Variants in PRKN observed in about 807,000 individuals in gnomAD.
The protein encoded by PRKN is E3 ubiquitin-protein ligase parkin.
PRKN carries 56 observed loss-of-function variants against 59.5 expected under a neutral mutation model. The ratio of observed to expected loss-of-function variants is 0.94; its 90% CI spans 0.76 to 1.18. The LOEUF (loss-of-function observed/expected upper bound fraction) is 1.18, where lower values mean the gene tolerates loss of function less well. PRKN is among the 50% of genes most tolerant of loss of function. The probability of loss-of-function intolerance (pLI) is 0.00; values close to 1 mark genes in which losing one functional copy is unlikely to be tolerated. For missense variants in PRKN, 657 were observed against 596.4 expected, an observed-to-expected ratio of 1.10 and a Z score of -1.06; for synonymous variants, 250 against 222.1, an observed-to-expected ratio of 1.13 and a Z score of -1.12.
At chr6:162,680,469 C>T (rs1779730412) in intron 1 of PRKN, among the ~76,000 whole-genome samples, 1 of 151,782 alleles carries the variant, frequency 6.6e-6, no homozygotes, top group Admixed American at 6.6e-5. Flanking sequence ...CTAGAAAACA[C>T]AAAATTTAAT....
Position 161,355,681 on chromosome 6 carries a change from C to T in PRKN, c.1285+4407G>A, listed in dbSNP as rs540784557. Among the ~76,000 whole-genome samples, 7 of 152,292 alleles carry T rather than the reference C, an allele frequency of 4.6e-5. No individual in the cohort carries two copies. The South Asian group carries it at 1.0e-3, about 23-fold the overall frequency. On this transcript the variant is annotated intron_variant, in intron 11 of 11. Transcript: ENST00000366898. The surrounding 1 kb of genome is among the most constrained non-coding windows in gnomAD (Gnocchi z 6.8). The stretch of plus-strand genomic sequence containing the variant: ...TCGGCCTCCCAAAGTGCTGGGATTA[C>T]AGGCGTGAGTCACCACGCCCGGCCT...
intron 6 of PRKN, among the ~76,000 whole-genome samples, chr6:161,805,478 A>ACGCATG (rs1554310492): frequency 8.7e-5 from 13 of 149,364 alleles, no homozygotes; most frequent in Non-Finnish European, 1.5e-4. Context: ...ACACACACAC[A>ACGCATG]CATGCATGTA....
At chr6:162,642,220 A>T (rs1355437859) in intron 1 of PRKN, among the ~76,000 whole-genome samples, 7 of 152,214 alleles carry the variant, frequency 4.6e-5, no homozygotes, top group Admixed American at 3.9e-4. Context: ...GCTCAAAAAT[A>T]CACAACACAT....
chr6:162,129,727 A>C (rs762843515), intron 4 of PRKN, among the ~76,000 whole-genome samples: 1 of 152,220 alleles, frequency 6.6e-6, no homozygotes, highest in Non-Finnish European at 1.5e-5. Flanking sequence ...ACTGATTCAC[A>C]GAACTGCATA....
At chr6:161,512,322 AAC>A in intron 9 of PRKN, among the ~76,000 whole-genome samples, 1 of 150,566 alleles carries the variant, frequency 6.6e-6, no homozygotes, top group East Asian at 2.0e-4. Context: ...TGGAAGTGGA[AAC>A]ACACTTGGCC....
At chr6:162,653,623 A>G (rs912342020) in intron 1 of PRKN, among the ~76,000 whole-genome samples, 3 of 152,114 alleles carry the variant, frequency 2.0e-5, no homozygotes, top group African/African-American at 7.2e-5. Context: ...TTACATTCAC[A>G]TTGAATTATT....
chr6:162,702,751 T>G (rs1356204428), intron 1 of PRKN, among the ~76,000 whole-genome samples: 1 of 152,192 alleles, frequency 6.6e-6, no homozygotes, highest in Non-Finnish European at 1.5e-5. Flanking sequence ...ATGAAATGAA[T>G]AGTTTTAAAA....
At chr6:162,102,320 C>T (rs148887844) in intron 4 of PRKN, among the ~76,000 whole-genome samples, 124 of 152,266 alleles carry the variant, frequency 8.1e-4, no homozygotes, top group Non-Finnish European at 1.5e-3. Flanking sequence ...TAGTTATGCA[C>T]CAGCTAAGAC....
intron 9 of PRKN, among the ~76,000 whole-genome samples, chr6:161,449,857 A>G (rs765782949): frequency 1.3e-5 from 2 of 151,984 alleles, no homozygotes; most frequent in Non-Finnish European, 2.9e-5. Flanking sequence ...AAACAGAAGC[A>G]TTGGGAATGG....
At chr6:161,954,571 T>G (rs186688537) in intron 6 of PRKN, among the ~76,000 whole-genome samples, 5 of 152,300 alleles carry the variant, frequency 3.3e-5, no homozygotes, top group African/African-American at 1.2e-4. Flanking sequence ...AGAATAAAAT[T>G]AGATGACTCT....
At chr6:161,860,542 C>T (rs551226016) in intron 6 of PRKN, among the ~76,000 whole-genome samples, 1 of 152,224 alleles carries the variant, frequency 6.6e-6, no homozygotes, top group Non-Finnish European at 1.5e-5. Context: ...ACAGAACTCC[C>T]TCTTTCGGTC....
At chr6:162,588,274 G>A (rs1357194945) in intron 1 of PRKN, among the ~76,000 whole-genome samples, 4 of 151,886 alleles carry the variant, frequency 2.6e-5, no homozygotes, top group African/African-American at 9.7e-5. Context: ...GCCTCCCAGA[G>A]TGCTGGGATT....
At chr6:161,453,290 T>C (rs1008709469) in intron 9 of PRKN, among the ~76,000 whole-genome samples, 2 of 152,162 alleles carry the variant, frequency 1.3e-5, no homozygotes, top group Non-Finnish European at 2.9e-5. Flanking sequence ...TTAATCATCA[T>C]GCTATAGAAA....
At chr6:161,769,943 C>T (rs977484477) in intron 7 of PRKN, among the ~76,000 whole-genome samples, 6 of 152,262 alleles carry the variant, frequency 3.9e-5, no homozygotes, top group South Asian at 2.1e-4. Flanking sequence ...AATAACTGGA[C>T]GCCTCAGGTC....
chr6:161,465,708 G>A (rs540446217), intron 9 of PRKN, among the ~76,000 whole-genome samples: 51 of 152,042 alleles, frequency 3.4e-4, no homozygotes, highest in Admixed American at 3.3e-4. Flanking sequence ...TCTTTGTACC[G>A]CTACTGCTTA....
chr6:162,592,931 C>T (rs767446341), intron 1 of PRKN, among the ~76,000 whole-genome samples: 12 of 151,812 alleles, frequency 7.9e-5, no homozygotes, highest in East Asian at 5.8e-4. Flanking sequence ...TAACACATCA[C>T]GATTACAAAG....
rs57399165 is a variant in PRKN at position 161,756,442 on chromosome 6, G to GA, written c.871+29329dup. ...GGGTGACAGAGTGAAACCTTGTCTC[G>GA]AAAAAAAAAAAAAAAAAAAAAAAAA... is the stretch of plus-strand genomic sequence containing the variant. On this transcript the variant is annotated intron_variant, in intron 7 of 11. Coordinates refer to ENST00000366898, the MANE Select transcript of PRKN (RefSeq NM_004562.3). Among the ~76,000 whole-genome samples, 100 of 74,704 alleles carry GA rather than the reference G, an allele frequency of 1.3e-3. 3 individuals are homozygous for GA. Among genetic ancestry groups the GA allele is most frequent in the Middle Eastern group, 7.9e-3 (1 of 126 alleles). 49.0% of individuals were successfully genotyped at this position (74,704 alleles called of 152,430 possible).
Position 161,402,044 on chromosome 6 carries a change from G to A in PRKN, c.1084-15167C>T, listed in dbSNP as rs182787259. Among the ~76,000 whole-genome samples, 15 of 152,250 alleles carry A rather than the reference G, an allele frequency of 9.9e-5. No homozygotes were observed. The East Asian group carries it at 2.9e-3, about 29-fold the overall frequency. On this transcript the variant is annotated intron_variant, in intron 9 of 11. Transcript: ENST00000366898. This position sits in a 1 kb window ranked among gnomAD's most constrained non-coding sequence, Gnocchi z 4.5. ...TCCTCTCGATATGCATCTCTGCCAT[G>A]ACTATCAGACAATGGTGAGAGCCAG... is the stretch of plus-strand genomic sequence containing the variant.
At chr6:161,733,333 T>C (rs948369354) in intron 7 of PRKN, among the ~76,000 whole-genome samples, 9 of 152,212 alleles carry the variant, frequency 5.9e-5, no homozygotes, top group African/African-American at 1.7e-4. Flanking sequence ...AGGTTTATAA[T>C]TTAATTTTTT....
Sources: gnomAD v4.1 joint callset for allele counts (sites outside exome capture counted in the v4.1 genomes callset) on GRCh38, gnomAD v4.1.1 for gene constraint, Gnocchi (gnomAD v3.1) non-coding constraint, MANE v1.5 for transcripts, NCBI Gene and HGNC (gene_info 2026-07-23, HGNC 2026-07-21) for gene names.